The following ESRRG variants were observed in gnomAD, a reference collection of about 807,000 sequenced individuals.
ESRRG encodes the protein estrogen-related receptor gamma.
In ESRRG, 13 loss-of-function variants were observed where a neutral mutation model predicts 44.0. That is an observed-to-expected ratio of 0.30 (90% CI 0.19 to 0.47). The LOEUF is 0.47. Ranked by LOEUF, ESRRG falls within the 20% of genes least tolerant of loss-of-function variation. ESRRG has a pLI of 1.00. For synonymous variants in ESRRG, 215 were observed against 214.6 expected (o/e 1.00, Z -0.02); for missense variants, 395 against 580.6 (o/e 0.68, Z 3.29).
At chr1:216,509,050 T>G (rs1216388068) in intron 6 of ESRRG, among the ~76,000 whole-genome samples, 2 of 152,172 alleles carry the variant, frequency 1.3e-5, no homozygotes, top group East Asian at 1.9e-4. Flanking sequence ...AATAATACAT[T>G]TACCATTTAT....
chr1:216,797,422 C>T (rs1188911285), intron 2 of ESRRG, among the ~76,000 whole-genome samples: 2 of 152,158 alleles, frequency 1.3e-5, no homozygotes, highest in Admixed American at 1.3e-4. Context: ...TTTCCATAAG[C>T]GGGAACTATG....
intron 2 of ESRRG, among the ~76,000 whole-genome samples, chr1:216,915,757 G>T (rs1216604173): frequency 6.6e-6 from 1 of 152,200 alleles, no homozygotes; most frequent in Non-Finnish European, 1.5e-5. Flanking sequence ...GCTGAGAAAA[G>T]AACCCAGGAA....
intron 6 of ESRRG, among the ~76,000 whole-genome samples, chr1:216,515,396 C>A: frequency 6.6e-6 from 1 of 152,022 alleles, no homozygotes; most frequent in Non-Finnish European, 1.5e-5. Flanking sequence ...AATGAAAACA[C>A]ACTAAGTCAA....
chr1:216,920,226 C>A (rs1206198198), intron 2 of ESRRG, among the ~76,000 whole-genome samples: 1 of 152,140 alleles, frequency 6.6e-6, no homozygotes, highest in Non-Finnish European at 1.5e-5. Context: ...GTAAAGCCTT[C>A]TTTAAAAAGT....
intron 1 of ESRRG, among the ~76,000 whole-genome samples, chr1:216,998,023 G>A (rs115255284): frequency 0.013 from 1,978 of 152,174 alleles, 22 homozygotes; most frequent in Non-Finnish European, 0.023. Context: ...ATGAAAACAG[G>A]ATCTTTGTTT....
intron 2 of ESRRG, among the ~76,000 whole-genome samples, chr1:216,916,314 GT>G: frequency 6.6e-6 from 1 of 152,232 alleles, no homozygotes; most frequent in Middle Eastern, 3.4e-3. Flanking sequence ...ATCACCATTT[GT>G]TTCATGTCAC....
chr1:216,728,718 A>C (rs1481828476), intron 2 of ESRRG, among the ~76,000 whole-genome samples: 1 of 151,986 alleles, frequency 6.6e-6, no homozygotes, highest in Non-Finnish European at 1.5e-5. Flanking sequence ...ACGTATATGG[A>C]TGTTCAATAC....
intron 1 of ESRRG, among the ~76,000 whole-genome samples, chr1:217,062,167 G>A (rs1011610515): frequency 5.9e-5 from 9 of 152,130 alleles, no homozygotes; most frequent in Admixed American, 1.3e-4. Flanking sequence ...CACCCCTGGC[G>A]TGTGAATTAA....
At chr1:216,779,614 A>C (rs1401487808) in intron 2 of ESRRG, among the ~76,000 whole-genome samples, 1 of 131,570 alleles carries the variant, frequency 7.6e-6, no homozygotes, top group Non-Finnish European at 1.6e-5. Context: ...TCTGCCTTAG[A>C]AAAACTTGCA....
At position 216,746,082 on chromosome 1, in the gene ESRRG, C is replaced by A. The variant is rs77881096; in HGVS notation, c.-13-68591G>T. Among the ~76,000 whole-genome samples, 757 of 152,188 alleles carry A rather than the reference C, an allele frequency of 5.0e-3. 5 individuals are homozygous for A. Among genetic ancestry groups the A allele is most frequent in the African/African-American group, 0.017 (714 of 41,512 alleles). ...TTCAATAATGTAAAAATAATAACAGCCTTCTTTTATTGTGCAATTATCTAA... is the reference window on the plus strand; with the variant it reads ...TTCAATAATGTAAAAATAATAACAGACTTCTTTTATTGTGCAATTATCTAA... On this transcript the variant is annotated intron_variant, in intron 2 of 7. Coordinates refer to the ESRRG transcript ENST00000359162.
chr1:216,897,549 C>G (rs1353427669), intron 2 of ESRRG, among the ~76,000 whole-genome samples: 1 of 152,060 alleles, frequency 6.6e-6, no homozygotes, highest in African/African-American at 2.4e-5. Context: ...ATAGGCTTTC[C>G]CTGCAAAGTA....
intron 1 of ESRRG, among the ~76,000 whole-genome samples, chr1:217,106,532 T>C (rs2092599272): frequency 6.6e-6 from 1 of 152,210 alleles, no homozygotes; most frequent in African/African-American, 2.4e-5. Context: ...ATGGTTTTAC[T>C]TTAGGAACTG....
At chr1:216,718,368 A>G (rs1464837062) in intron 1 of ESRRG, among the ~76,000 whole-genome samples, 1 of 151,932 alleles carries the variant, frequency 6.6e-6, no homozygotes, top group Non-Finnish European at 1.5e-5. Flanking sequence ...ACTCCTGGGT[A>G]TCCTATCGAC....
At chr1:216,925,549 GAGA>G (rs1275078201) in intron 2 of ESRRG, among the ~76,000 whole-genome samples, 2 of 152,172 alleles carry the variant, frequency 1.3e-5, no homozygotes, top group African/African-American at 4.8e-5. Flanking sequence ...TCAAATACAA[GAGA>G]AGAACATGCC....
intron 2 of ESRRG, among the ~76,000 whole-genome samples, chr1:216,844,278 A>T (rs2095702619): frequency 6.6e-6 from 1 of 152,178 alleles, no homozygotes; most frequent in Admixed American, 6.5e-5. Flanking sequence ...AGAACTAAAT[A>T]GGTGGGTATT....
chr1:216,667,388 G>T (rs2074161041), intron 2 of ESRRG, among the ~76,000 whole-genome samples: 1 of 152,010 alleles, frequency 6.6e-6, no homozygotes, highest in South Asian at 2.1e-4. Flanking sequence ...AAAATATAAA[G>T]ATAGAACTAA....
chr1:216,922,387 G>A (rs957364915), intron 2 of ESRRG, among the ~76,000 whole-genome samples: 1 of 152,148 alleles, frequency 6.6e-6, no homozygotes, highest in Admixed American at 6.5e-5. Context: ...AGTTCGAGTT[G>A]CAGTTAAGCA....
chr1:216,678,921 C>G (rs773517067), intron 1 of ESRRG, among the ~76,000 whole-genome samples: 3 of 152,300 alleles, frequency 2.0e-5, no homozygotes, highest in Non-Finnish European at 4.4e-5. Context: ...TGCCCTCCTC[C>G]AGGTCCTCCA....
chr1:216,980,134 A>G (rs923134465), intron 1 of ESRRG, among the ~76,000 whole-genome samples: 2 of 152,180 alleles, frequency 1.3e-5, no homozygotes, highest in Non-Finnish European at 2.9e-5. Flanking sequence ...TATGGTTACT[A>G]AATCCTACTT....
Sources: gnomAD v4.1 joint callset for allele counts (sites outside exome capture counted in the v4.1 genomes callset) on GRCh38, gnomAD v4.1.1 for gene constraint, MANE v1.5 for transcripts, NCBI Gene and HGNC (gene_info 2026-07-23, HGNC 2026-07-21) for gene names.